The following CCDC180 variants were observed in gnomAD, a reference collection of about 807,000 sequenced individuals.
CCDC180 encodes the protein coiled-coil domain containing 180.
CCDC180 carries 154 observed loss-of-function variants against 209.2 expected under a neutral mutation model. The ratio of observed to expected loss-of-function variants is 0.74; its 90% CI spans 0.65 to 0.84. The LOEUF (loss-of-function observed/expected upper bound fraction) is 0.84. CCDC180 is among the 40% of genes least tolerant of loss of function. The pLI, the probability that CCDC180 is intolerant of heterozygous loss-of-function variation, is 0.00. For synonymous variants in CCDC180, 778 were observed against 749.1 expected (o/e 1.04, Z -0.63); for missense variants, 1,874 against 1,997.3 (o/e 0.94, Z 1.18).
At chr9:97,318,071 A>G (rs1833235918) in intron 9 of CCDC180, among the ~76,000 whole-genome samples, 1 of 152,180 alleles carries the variant, frequency 6.6e-6, no homozygotes, top group South Asian at 2.1e-4. Flanking sequence ...CGAGAAAGGC[A>G]CTATCATGAG....
At chr9:97,352,653 T>A (rs753734853) in intron 22 of CCDC180, among the ~76,000 whole-genome samples, 2 of 152,186 alleles carry the variant, frequency 1.3e-5, no homozygotes, top group Non-Finnish European at 2.9e-5. Flanking sequence ...CTGCAAAGCT[T>A]GCATTTGTTT....
Position 97,350,393 on chromosome 9 carries a change from CCT to C in CCDC180, c.2856-13_2856-12del, listed in dbSNP as rs773563193. 2.6e-6 allele frequency: 4 copies of C among 1,534,764 alleles called. No homozygotes were observed. Among genetic ancestry groups the C allele is most frequent in the Non-Finnish European group, 8.7e-7 (1 of 1,146,836 alleles). ...TGTCCCCCATCACTGTCCTGTTCCTCCTCTGTCTCCCACAGGCTGGTCACTCT... is the reference window on the plus strand; with the variant it reads ...TGTCCCCCATCACTGTCCTGTTCCTCCTGTCTCCCACAGGCTGGTCACTCT... On this transcript the variant is annotated splice_polypyrimidine_tract_variant and intron_variant, in intron 21 of 36. Coordinates refer to ENST00000529487, the MANE Select transcript of CCDC180 (RefSeq NM_020893.6).
At chr9:97,359,886 C>A in intron 25 of CCDC180, 96 bp from the exon 26 acceptor site, 1 of 1,501,644 alleles carries the variant, frequency 6.7e-7, no homozygotes, top group Non-Finnish European at 9.1e-7. Flanking sequence ...GAGGTATCCT[C>A]ATCAGCCCAG....
rs1833260663 is a variant in CCDC180 at position 97,318,637 on chromosome 9, G to T, written c.1079+55G>T. ...GTGCTTCTTGGGGTGCAGTGAGGGA[G>T]GCAGAAGTGGCCTGCAGTCTGTCCC... On this transcript the variant is annotated intron_variant, in intron 10 of 36. Coordinates refer to ENST00000529487, the MANE Select transcript of CCDC180 (RefSeq NM_020893.6). 5 of 1,594,628 alleles carry T rather than the reference G, an allele frequency of 3.1e-6. No individual in the cohort carries two copies. In the East Asian group the frequency reaches 1.1e-4, roughly 36 times the overall value.
At chr9:97,310,619 C>CT (rs1225168606) in intron 3 of CCDC180, among the ~76,000 whole-genome samples, 2 of 152,158 alleles carry the variant, frequency 1.3e-5, no homozygotes, top group Non-Finnish European at 2.9e-5. Context: ...TAAACCCTTG[C>CT]TGGGCCTGGG....
chr9:97,344,359 T>TA (rs1020748537), intron 19 of CCDC180, among the ~76,000 whole-genome samples: 3 of 152,190 alleles, frequency 2.0e-5, no homozygotes, highest in Non-Finnish European at 4.4e-5. Flanking sequence ...CTCTTTCTCC[T>TA]ACACCTGAGC....
chr9:97,363,003 A>G (rs1826809391), intron 28 of CCDC180, among the ~76,000 whole-genome samples: 1 of 152,226 alleles, frequency 6.6e-6, no homozygotes, highest in Non-Finnish European at 1.5e-5. Flanking sequence ...AGCAAAGGCT[A>G]TTGACTCAGA....
At chr9:97,308,672 A>G (rs1005633310) in intron 2 of CCDC180, among the ~76,000 whole-genome samples, 1 of 152,234 alleles carries the variant, frequency 6.6e-6, no homozygotes, top group African/African-American at 2.4e-5. Flanking sequence ...ACAAAACAAG[A>G]TCTTAAAAGA....
intron 24 of CCDC180, 38 bp from the exon 25 acceptor site, chr9:97,357,589 A>G: frequency 7.4e-7 from 1 of 1,344,424 alleles, no homozygotes; most frequent in South Asian, 1.2e-5. Flanking sequence ...CACAATATGT[A>G]TTCTAGAAAC....
intron 3 of CCDC180, 26 bp from the exon 4 acceptor site, chr9:97,312,087 T>C: frequency 6.2e-7 from 1 of 1,607,982 alleles, no homozygotes; most frequent in Non-Finnish European, 8.5e-7. Context: ...GAGCTGGGAC[T>C]TCACTCTTCT....
chr9:97,374,756 G>C, intron 35 of CCDC180, 108 bp downstream of exon 35: 1 of 819,364 alleles, frequency 1.2e-6, no homozygotes. Context: ...ACCTGGGAAA[G>C]GCATTGTGTT....
intron 19 of CCDC180, among the ~76,000 whole-genome samples, chr9:97,346,534 A>T (rs1187877158): frequency 1.3e-5 from 2 of 152,230 alleles, no homozygotes; most frequent in Non-Finnish European, 2.9e-5. Context: ...CTAGAAATTG[A>T]TTTGTAAAAA....
intron 18 of CCDC180, among the ~76,000 whole-genome samples, 159 bp from the exon 19 acceptor site, chr9:97,343,181 A>G (rs1587813966): frequency 6.6e-6 from 1 of 152,280 alleles, no homozygotes; most frequent in East Asian, 1.9e-4. Flanking sequence ...TCCCAATTTT[A>G]AAAGCACTGT....
At position 97,328,078 on chromosome 9, in the gene CCDC180, C is replaced by G; in HGVS notation, c.1720C>G (p.Leu574Val). ...AGTGATGGAGTACCCAGCGATCATG[C>G]TGAAAGAACTCAACTCCTACAGCTC... ...KEVMEYPAIM[L>V]KELNSYSSAL... Residue 574 changes from leucine (L) to valine (V), a missense_variant, in exon 16 of 37, where the codon CTG (leucine) becomes GTG (valine). Leu to Val is a conservative substitution (Grantham distance 32). Transcript: ENST00000529487. The G allele has an allele frequency of 1.9e-6, 3 of 1,614,066 alleles. No homozygotes were observed. The highest frequency in any genetic ancestry group is 2.5e-6 in the Non-Finnish European group (3 of 1,179,980).
chr9:97,345,845 T>C (rs1157325459), intron 19 of CCDC180: 1 of 156,344 alleles, frequency 6.4e-6, no homozygotes, highest in African/African-American at 2.4e-5. Flanking sequence ...TTTTAAACTC[T>C]CTTTCAAGGT....
chr9:97,314,353 G>T (rs1469800164), intron 5 of CCDC180, 40 bp from the exon 6 acceptor site: 2 of 1,612,738 alleles, frequency 1.2e-6, no homozygotes, highest in Non-Finnish European at 1.7e-6. Flanking sequence ...CTTCCCAGGG[G>T]TGCTGATGCC....
At chr9:97,330,066 CAAAAAAA>C (rs34372293) in intron 16 of CCDC180, 81 bp from the exon 17 acceptor site, 247 of 581,622 alleles carry the variant, frequency 4.2e-4, no homozygotes, top group Middle Eastern at 1.0e-3. Context: ...AGACTCCTCT[CAAAAAAA>C]AAAAAAAAAA....
At chr9:97,320,241 C>A in intron 11 of CCDC180, 36 bp downstream of exon 11, 1 of 1,573,742 alleles carries the variant, frequency 6.4e-7, no homozygotes, top group Non-Finnish European at 8.7e-7. Flanking sequence ...CTGCATTTCT[C>A]CAGAACTGTT....
chr9:97,327,946 T>C, intron 15 of CCDC180, 74 bp from the exon 16 acceptor site: 1 of 1,519,906 alleles, frequency 6.6e-7, no homozygotes, highest in Non-Finnish European at 8.9e-7. Flanking sequence ...GTGTGCCAGA[T>C]TGCAGCCCAT....
Sources: allele counts gnomAD v4.1 joint callset (sites outside exome capture counted in the v4.1 genomes callset), GRCh38; gene constraint gnomAD v4.1.1; transcripts MANE v1.5; gene names NCBI Gene and HGNC (gene_info 2026-07-23, HGNC 2026-07-21).